Variants in KIAA1549 observed in about 807,000 individuals in gnomAD.
KIAA1549 encodes the protein KIAA1549.
In KIAA1549, 70 loss-of-function variants were observed where a neutral mutation model predicts 156.4. That is an observed-to-expected ratio of 0.45 (90% CI 0.37 to 0.55). KIAA1549 has a LOEUF of 0.55. KIAA1549 is among the 20% of genes least tolerant of loss of function. The pLI is 0.00. For synonymous variants in KIAA1549, 1,103 were observed against 1,066.4 expected, an observed-to-expected ratio of 1.03 and a Z score of -0.67; for missense variants, 2,428 against 2,540.9, an observed-to-expected ratio of 0.96 and a Z score of 0.96.
Position 138,881,728 on chromosome 7 carries a change from G to A in KIAA1549, c.4033-144C>T, listed in dbSNP as rs1331629521. ...CGCTAGAACATGGACTGCATGCCAG[G>A]TTCTGTTTATACCCAGAGTTCCAGG... On this transcript the variant is annotated intron_variant, in intron 10 of 19. Transcript: ENST00000422774. 4.3e-6 allele frequency: 3 copies of A among 694,464 alleles called. No homozygotes were observed. The Admixed American group carries it at 8.9e-5, about 21-fold the overall frequency. 43.0% of individuals were successfully genotyped at this position (694,464 alleles called of 1,614,324 possible). A position where few individuals can be genotyped will look rare whatever the true frequency, so the allele number is the denominator to read the frequency against.
intron 18 of KIAA1549, among the ~76,000 whole-genome samples, chr7:138,843,662 A>G (rs570321164): frequency 6.6e-6 from 1 of 152,328 alleles, no homozygotes; most frequent in South Asian, 2.1e-4. Flanking sequence ...AAATTAATAC[A>G]TCTGAATTTT....
At chr7:138,935,598 C>A (rs79316742) in intron 1 of KIAA1549, among the ~76,000 whole-genome samples, 1,741 of 152,276 alleles carry the variant, frequency 0.011, 30 homozygotes, top group African/African-American at 0.04. Context: ...CTATTACACT[C>A]AGAGCAGGAG....
intron 1 of KIAA1549, among the ~76,000 whole-genome samples, chr7:138,936,205 C>T (rs1399493416): frequency 6.6e-6 from 1 of 152,114 alleles, no homozygotes; most frequent in Admixed American, 6.5e-5. Context: ...ATTCAGCAGC[C>T]AGTGGAATGG....
At chr7:138,964,296 G>A (rs1813948040) in intron 1 of KIAA1549, among the ~76,000 whole-genome samples, 2 of 152,218 alleles carry the variant, frequency 1.3e-5, no homozygotes, top group Admixed American at 6.5e-5. Context: ...AGACCACAGA[G>A]TCATTCTCTA....
At chr7:138,907,196 T>G in intron 5 of KIAA1549, 94 bp from the exon 6 acceptor site, 1 of 1,095,804 alleles carries the variant, frequency 9.1e-7, no homozygotes, top group Admixed American at 3.4e-5. Context: ...TCACCGATTT[T>G]TTTAAAGGAG....
At chr7:138,969,546 T>A (rs1814152372) in intron 1 of KIAA1549, among the ~76,000 whole-genome samples, 2 of 152,226 alleles carry the variant, frequency 1.3e-5, no homozygotes. Context: ...ATTTTGTGCG[T>A]ACATAGTTGG....
At chr7:138,968,471 G>A (rs571943096) in intron 1 of KIAA1549, among the ~76,000 whole-genome samples, 47 of 152,050 alleles carry the variant, frequency 3.1e-4, no homozygotes, top group South Asian at 8.3e-4. Flanking sequence ...ATTTTTAAAC[G>A]GAAACAAACT....
chr7:138,893,485 T>C (rs1441747653), intron 10 of KIAA1549, among the ~76,000 whole-genome samples: 1 of 152,214 alleles, frequency 6.6e-6, no homozygotes, highest in African/African-American at 2.4e-5. Context: ...TGGGTGTTGT[T>C]TATTGTAAGA....
chr7:138,875,037 G>C (rs866374458), intron 12 of KIAA1549, among the ~76,000 whole-genome samples: 4 of 149,818 alleles, frequency 2.7e-5, no homozygotes, highest in Middle Eastern at 6.8e-3. Flanking sequence ...AGGAGGAATG[G>C]GTTGAGCACC....
At chr7:138,893,341 T>C (rs1811594297) in intron 10 of KIAA1549, among the ~76,000 whole-genome samples, 1 of 151,278 alleles carries the variant, frequency 6.6e-6, no homozygotes, top group African/African-American at 2.4e-5. Context: ...CGAGAGAACT[T>C]TGCATTCAGG....
Position 138,837,732 on chromosome 7 carries a change from G to T in KIAA1549, c.*174C>A. The T allele has an allele frequency of 3.0e-6, 2 of 659,310 alleles. No individual in the cohort carries two copies. Among genetic ancestry groups the T allele is most frequent in the East Asian group, 5.6e-5 (2 of 35,962 alleles). The allele number at this position is 659,310 out of a possible 1,614,324, so 40.8% of individuals were successfully genotyped here. A position where few individuals can be genotyped will look rare whatever the true frequency, so the allele number is the denominator to read the frequency against. On this transcript the variant is annotated 3_prime_UTR_variant, in exon 20 of 20. Transcript: ENST00000422774. Reference sequence around the variant, plus strand: ...CAGACAATTGCCAGCCCAGTGAAAGGCTCATGAGCTGTCACACGACGTATG... The same window carrying T: ...CAGACAATTGCCAGCCCAGTGAAAGTCTCATGAGCTGTCACACGACGTATG...
intron 1 of KIAA1549, among the ~76,000 whole-genome samples, chr7:138,976,608 A>T (rs1439993200): frequency 6.6e-6 from 1 of 152,122 alleles, no homozygotes; most frequent in East Asian, 1.9e-4. Flanking sequence ...TTTTAATTAA[A>T]CTTTATTGCA....
chr7:138,970,750 G>C (rs543663526), intron 1 of KIAA1549, among the ~76,000 whole-genome samples: 1 of 152,288 alleles, frequency 6.6e-6, no homozygotes, highest in African/African-American at 2.4e-5. Context: ...CCTGTCTCCT[G>C]GGCTTTGCCC....
chr7:138,922,471 T>TA (rs1399211061), intron 1 of KIAA1549, among the ~76,000 whole-genome samples: 1 of 152,146 alleles, frequency 6.6e-6, no homozygotes, highest in Non-Finnish European at 1.5e-5. Context: ...ATCAGATCTA[T>TA]AAAAACTTTA....
At chr7:138,928,390 A>C (rs1296586948) in intron 1 of KIAA1549, among the ~76,000 whole-genome samples, 1 of 144,000 alleles carries the variant, frequency 6.9e-6, no homozygotes, top group Non-Finnish European at 1.5e-5. Flanking sequence ...AGGTTCAAGC[A>C]ATTCTCCTGC....
rs1424605585 is a variant in KIAA1549 at position 138,928,163 on chromosome 7, C to T, written c.188-8725G>A. Among the ~76,000 whole-genome samples, 4 of 151,990 alleles carry T rather than the reference C, an allele frequency of 2.6e-5. No individual in the cohort carries two copies. In the East Asian group the frequency reaches 5.8e-4, roughly 22 times the overall value. On this transcript the variant is annotated intron_variant, in intron 1 of 19. Coordinates refer to ENST00000422774, the MANE Select transcript of KIAA1549 (RefSeq NM_001164665.2). ...GTCTCAATCTCCTGACCTCGTGATC[C>T]GCCTGCCTCGGCCTCCCAAAGTGCT...
Position 138,879,578 on chromosome 7 carries a change from TC to T in KIAA1549, c.4304del (p.Gly1435GlufsTer116). The T allele has an allele frequency of 6.4e-7, 1 of 1,568,950 alleles. No individual in the cohort carries two copies. The highest frequency in any genetic ancestry group is 8.6e-7 in the Non-Finnish European group (1 of 1,156,640). Reference protein sequence around the residue: ...SERDAGDKTPGAVNDGRSHRA... With the variant: ...SERDAGDKTPXAVNDGRSHRA... ...TGTGGGACCTGCCATCGTTGACGGC[TC>T]CCGGCGTCTTATCTCCTGCGTCCCT... is the stretch of plus-strand genomic sequence containing the variant. On this transcript the variant is annotated frameshift_variant, in exon 12 of 20. Coordinates refer to ENST00000422774, the MANE Select transcript of KIAA1549 (RefSeq NM_001164665.2). LOFTEE classifies it high-confidence loss of function.
intron 1 of KIAA1549, among the ~76,000 whole-genome samples, chr7:138,923,366 C>T (rs1474431707): frequency 6.6e-6 from 1 of 152,158 alleles, no homozygotes; most frequent in East Asian, 1.9e-4. Context: ...TTTGGGAGGC[C>T]AAGGCAGGTG....
At chr7:138,957,216 T>A (rs1243673160) in intron 1 of KIAA1549, among the ~76,000 whole-genome samples, 1 of 151,996 alleles carries the variant, frequency 6.6e-6, no homozygotes, top group Non-Finnish European at 1.5e-5. Flanking sequence ...GGCAATGAGG[T>A]AGGAGAGGGG....
Sources: gnomAD v4.1 joint callset for allele counts (sites outside exome capture counted in the v4.1 genomes callset) on GRCh38, gnomAD v4.1.1 for gene constraint, MANE v1.5 for transcripts, NCBI Gene and HGNC (gene_info 2026-07-23, HGNC 2026-07-21) for gene names.